CITED1: variants seen among roughly 807,000 people sequenced by gnomAD.
The protein encoded by CITED1 is cbp/p300-interacting transactivator 1.
Under a neutral mutation model 8.5 loss-of-function variants are expected in CITED1, and 3 were observed. The ratio of observed to expected loss-of-function variants is 0.35; its 90% CI spans 0.16 to 0.91. The LOEUF (loss-of-function observed/expected upper bound fraction) is 0.91. Ranked by LOEUF, CITED1 falls within the 40% of genes least tolerant of loss-of-function variation. The probability of loss-of-function intolerance (pLI) is 0.46; values close to 1 mark genes in which losing one functional copy is unlikely to be tolerated. For missense variants in CITED1, 113 were observed against 154.8 expected (o/e 0.73, Z 1.43); for synonymous variants, 54 against 67.4 (o/e 0.80, Z 0.97).
At chrX:72,304,614 T>G (rs908687074) in intron 1 of CITED1, among the ~76,000 whole-genome samples, 6 of 111,309 alleles carry the variant, frequency 5.4e-5, no homozygotes, top group African/African-American at 2.0e-4. Flanking sequence ...GGTACCCGAA[T>G]GTACAAAACG....
At position 72,301,884 on chromosome X, in the gene CITED1, C is replaced by T. The variant is rs2043289869; in HGVS notation, c.421G>A (p.Gly141Ser). The T allele has an allele frequency of 4.9e-6, 6 of 1,212,198 alleles. No homozygotes were observed. The highest frequency in any genetic ancestry group is 6.7e-6 in the Non-Finnish European group (6 of 895,618). Residue 141 changes from glycine to serine, a missense_variant, in exon 3 of 3, where the codon GGT becomes AGT. Transcript: ENST00000651998. Reference protein sequence around the residue: ...GGAESLSPSAGAQSPAIIDSD... With the variant: ...GGAESLSPSASAQSPAIIDSD... ...TCGATGATAGCAGGGCTCTGGGCAC[C>T]AGCAGAAGGAGAGAGTGATTCTGCC...
In CITED1 at chrX:72,301,945, G is replaced by C. The variant is rs747564783; in HGVS notation, c.360C>G (p.Pro120=). The C allele has an allele frequency of 7.4e-6, 9 of 1,210,882 alleles. No homozygotes were observed. In the Admixed American group the frequency reaches 2.0e-4, roughly 26 times the overall value. The change falls in exon 3 of 3, where the codon CCC becomes CCG. Residue 120 remains proline (P), a synonymous_variant. Coordinates refer to ENST00000651998, the MANE Select transcript of CITED1 (RefSeq NM_001144887.2). ...ATPGQPGEAG[P]LQNWDFGAQA... ...GGGCCCCAAAGTCCCAGTTTTGCAG[G>C]GGTCCTGCCTCCCCGGGTTGGCCTG...
At position 72,301,870 on chromosome X, in the gene CITED1, A is replaced by G. The variant is rs969072350; in HGVS notation, c.435T>C (p.Pro145=). Residue 145 remains proline (P), a synonymous_variant, in exon 3 of 3, where the codon CCT becomes CCC. Transcript: ENST00000651998. ...CCACTGGGTCCGAATCGATGATAGC[A>G]GGGCTCTGGGCACCAGCAGAAGGAG... The part of the protein sequence containing the change: ...SLSPSAGAQS[P]AIIDSDPVDE... The G allele has an allele frequency of 4.1e-6, 5 of 1,212,097 alleles. No individual in the cohort carries two copies. The Admixed American group carries it at 8.7e-5, about 21-fold the overall frequency.
At position 72,301,709 on chromosome X, in the gene CITED1, AGGGACACTT is replaced by A; in HGVS notation, c.*5_*13del. On this transcript the variant is annotated 3_prime_UTR_variant, in exon 3 of 3. Coordinates refer to ENST00000651998, the MANE Select transcript of CITED1 (RefSeq NM_001144887.2). Reference sequence around the variant, plus strand: ...TTGGTGGCTTTATTCCTCCATCTTTAGGGACACTTGGCATTAGCAGCTAGATGGAAAGTC... The same window carrying A: ...TTGGTGGCTTTATTCCTCCATCTTTAGGCATTAGCAGCTAGATGGAAAGTC... 1 of 1,207,285 alleles carries A rather than the reference AGGGACACTT, an allele frequency of 8.3e-7. No homozygotes were observed. Among genetic ancestry groups the A allele is most frequent in the East Asian group, 3.0e-5 (1 of 33,751 alleles).
intron 1 of CITED1, among the ~76,000 whole-genome samples, chrX:72,304,935 C>G (rs1017579965): frequency 1.8e-5 from 2 of 112,875 alleles, no homozygotes; most frequent in Admixed American, 1.9e-4. Context: ...ATCGGCATCC[C>G]TGGCTCTGCT....
At chrX:72,302,265 C>T in intron 2 of CITED1, 21 bp from the exon 3 acceptor site, 1 of 1,193,684 alleles carries the variant, frequency 8.4e-7, no homozygotes, top group Non-Finnish European at 1.1e-6. Context: ...GAGAAAAGCA[C>T]ACCATAGTAA....
At chrX:72,304,782 C>T (rs1320182881) in intron 1 of CITED1, among the ~76,000 whole-genome samples, 1 of 112,041 alleles carries the variant, frequency 8.9e-6, no homozygotes, top group Non-Finnish European at 1.9e-5. Flanking sequence ...TCTGGGAGCT[C>T]CCCCAGAAGA....
chrX:72,304,836 AC>A (rs2043320624), intron 1 of CITED1, among the ~76,000 whole-genome samples: 1 of 111,612 alleles, frequency 9.0e-6, no homozygotes, highest in Non-Finnish European at 1.9e-5. Flanking sequence ...TTACTGACCC[AC>A]CACCCACCCT....
rs1044082694 is a variant in CITED1 at position 72,302,693 on chromosome X, T to A, written c.60+117A>T. ...AAGCTGTTCTCATTCTCCCCAGAGA[T>A]AGTCCTGTTGTCTCCTCTCTGCTCA... On this transcript the variant is annotated intron_variant, in intron 2 of 2. Transcript: ENST00000651998. 6 of 623,804 alleles carry A rather than the reference T, an allele frequency of 9.6e-6. No homozygotes were observed. In the African/African-American group the frequency reaches 1.3e-4, roughly 14 times the overall value. 51.4% of individuals were successfully genotyped at this position (623,804 alleles called of 1,213,427 possible).
At chrX:72,302,361 G>C in intron 2 of CITED1, 117 bp from the exon 3 acceptor site, 1 of 880,556 alleles carries the variant, frequency 1.1e-6, no homozygotes, top group Admixed American at 3.6e-5. Context: ...TGGAGAGGTA[G>C]CAAGACGACC....
At chrX:72,303,621 C>G (rs1378164720) in intron 1 of CITED1, among the ~76,000 whole-genome samples, 1 of 111,727 alleles carries the variant, frequency 9.0e-6, no homozygotes, top group Non-Finnish European at 1.9e-5. Flanking sequence ...CCCCAGAAAC[C>G]TGAGTCCAGC....
intron 1 of CITED1, chrX:72,304,243 C>G (rs1178162585): frequency 7.3e-6 from 1 of 136,724 alleles, no homozygotes; most frequent in East Asian, 2.7e-4. Context: ...TCAGACACTT[C>G]TAGAAAGTGG....
At position 72,305,399 on chromosome X, in the gene CITED1, C is replaced by T. The variant is rs2043327022; in HGVS notation, c.-66+426G>A. 3 of 868,531 alleles carry T rather than the reference C, an allele frequency of 3.5e-6. No homozygotes were observed. In the South Asian group the frequency reaches 6.8e-5, roughly 20 times the overall value. 71.6% of individuals were successfully genotyped at this position (868,531 alleles called of 1,213,427 possible). A position where few individuals can be genotyped will look rare whatever the true frequency, so the allele number is the denominator to read the frequency against. ...TTGGCTTGGACGCGCTCTAACCAGA[C>T]CAGTCAGTTTCGCCACCTGAAAACT... is the stretch of plus-strand genomic sequence containing the variant. On this transcript the variant is annotated intron_variant, in intron 1 of 2. Coordinates refer to ENST00000651998, the MANE Select transcript of CITED1 (RefSeq NM_001144887.2).
chrX:72,305,631 C>T (rs900480345), intron 1 of CITED1, 194 bp downstream of exon 1: 1 of 208,976 alleles, frequency 4.8e-6, no homozygotes, highest in African/African-American at 2.9e-5. Flanking sequence ...CACGGGGTGT[C>T]GGCCTCCGCG....
At position 72,302,817 on chromosome X, in the gene CITED1, G is replaced by T. The variant is rs1310006723; in HGVS notation, c.53C>A (p.Ala18Glu). The T allele has an allele frequency of 3.3e-6, 4 of 1,208,130 alleles. No homozygotes were observed. The highest frequency in any genetic ancestry group is 4.5e-6 in the Non-Finnish European group (4 of 893,347). ...TAAAATGGCAAAAATTACCTCCTTC[G>T]CAGGTGAGGTGCCACCCTTGACATC... is the stretch of plus-strand genomic sequence containing the variant. Reference protein sequence around the residue: ...ALDVKGGTSPAKEDANQEMSS... With the variant: ...ALDVKGGTSPEKEDANQEMSS... The change falls in exon 2 of 3, where the codon GCG becomes GAG. Residue 18 changes from alanine to glutamate, a missense_variant. Physicochemically the swap from Ala to Glu is moderately radical, Grantham distance 107 (BLOSUM62 -1). Coordinates refer to ENST00000651998, the MANE Select transcript of CITED1 (RefSeq NM_001144887.2).
At chrX:72,302,549 TCTC>T (rs901488065) in intron 2 of CITED1, among the ~76,000 whole-genome samples, 2 of 112,208 alleles carry the variant, frequency 1.8e-5, no homozygotes, top group African/African-American at 6.5e-5. Flanking sequence ...CTGTCCCTCT[TCTC>T]AGCCTCACTT....
At chrX:72,306,381 C>G (rs1398586475), upstream of CITED1, 1 of 111,356 alleles carries the variant, frequency 9.0e-6, no homozygotes, top group African/African-American at 3.2e-5. Context: ...CAGAACCCTC[C>G]GGCCCGCCTG....
Position 72,301,656 on chromosome X carries a change from A to C in CITED1, c.*67T>G. On this transcript the variant is annotated 3_prime_UTR_variant, in exon 3 of 3. Coordinates refer to ENST00000651998, the MANE Select transcript of CITED1 (RefSeq NM_001144887.2). The stretch of plus-strand genomic sequence containing the variant: ...CCTCTAGTTGGCCCGTCTCTTTGTA[A>C]GTAACTTTATTTTTATTTACAACAG... The C allele has an allele frequency of 1.7e-6, 2 of 1,174,728 alleles. No homozygotes were observed. The highest frequency in any genetic ancestry group is 4.7e-5 in the Admixed American group (2 of 42,999).
At chrX:72,303,134 C>T (rs181686208) in intron 1 of CITED1, among the ~76,000 whole-genome samples, 200 bp from the exon 2 acceptor site, 1,285 of 113,249 alleles carry the variant, frequency 0.011, 20 homozygotes, top group African/African-American at 0.039. Flanking sequence ...GTGCTTGATT[C>T]GGCCAGGTAC....
Sources: allele counts gnomAD v4.1 joint callset (sites outside exome capture counted in the v4.1 genomes callset), GRCh38; gene constraint gnomAD v4.1.1; transcripts MANE v1.5; gene names NCBI Gene and HGNC (gene_info 2026-07-23, HGNC 2026-07-21).